SETBP1: variants seen among roughly 807,000 people sequenced by gnomAD.
SETBP1 encodes the protein SET-binding protein.
In SETBP1, 9 loss-of-function variants were observed where a neutral mutation model predicts 101.0. The observed-to-expected ratio is 0.09, with a 90% CI of 0.05 to 0.16. SETBP1 has a LOEUF of 0.16. SETBP1 is among the 10% of genes least tolerant of loss of function. The pLI, the probability that SETBP1 is intolerant of heterozygous loss-of-function variation, is 1.00. For missense variants in SETBP1, 1,858 were observed against 2,033.8 expected, an observed-to-expected ratio of 0.91 and a Z score of 1.66; for synonymous variants, 818 against 788.5, an observed-to-expected ratio of 1.04 and a Z score of -0.63.
At chr18:44,764,620 C>T (rs148344849) in intron 2 of SETBP1, among the ~76,000 whole-genome samples, 1,881 of 152,136 alleles carry the variant, frequency 0.012, 20 homozygotes, top group Middle Eastern at 0.02. Context: ...CTTACAGGCA[C>T]CTGCCACCAT....
intron 4 of SETBP1, among the ~76,000 whole-genome samples, chr18:45,009,068 C>T (rs114760913): frequency 6.6e-6 from 1 of 152,222 alleles, no homozygotes; most frequent in African/African-American, 2.4e-5. Flanking sequence ...ATGAGGGCTC[C>T]TCAGAAGTCG....
intron 4 of SETBP1, among the ~76,000 whole-genome samples, chr18:45,004,351 A>T (rs573211892): frequency 3.9e-5 from 6 of 152,206 alleles, no homozygotes; most frequent in African/African-American, 1.4e-4. Context: ...TGGCGTGATG[A>T]TTGGCCTCAT....
rs543292482 is a variant in SETBP1, at chr18:44,708,568, C to A, written c.486+6736C>A. On this transcript the variant is annotated intron_variant, in intron 2 of 5. Transcript: ENST00000649279. ...AGCAGCAGGGAAGGTGGGGAACGAC[C>A]TTTTCTGCAGGGCAGCAGGGAGCAT... Among the ~76,000 whole-genome samples, 3 of 152,208 alleles carry A rather than the reference C, an allele frequency of 2.0e-5. No individual in the cohort carries two copies. In the East Asian group the frequency reaches 5.8e-4, roughly 29 times the overall value.
At chr18:44,726,328 A>C (rs2069706000) in intron 2 of SETBP1, among the ~76,000 whole-genome samples, 2 of 152,334 alleles carry the variant, frequency 1.3e-5, no homozygotes, top group South Asian at 2.1e-4. Context: ...GCAATCATTG[A>C]AAGAGATTAT....
intron 3 of SETBP1, among the ~76,000 whole-genome samples, chr18:44,897,812 T>C (rs1376165418): frequency 6.6e-6 from 1 of 152,178 alleles, no homozygotes; most frequent in Admixed American, 6.5e-5. Flanking sequence ...TGGGCTGTTC[T>C]CTTGGTTATG....
At chr18:44,831,204 A>G (rs1195327466) in intron 2 of SETBP1, among the ~76,000 whole-genome samples, 1 of 152,222 alleles carries the variant, frequency 6.6e-6, no homozygotes, top group East Asian at 1.9e-4. Context: ...GGAGTAGTGT[A>G]GCATAGACAG....
intron 2 of SETBP1, among the ~76,000 whole-genome samples, chr18:44,726,235 T>G (rs1214486224): frequency 6.6e-6 from 1 of 152,218 alleles, no homozygotes; most frequent in Non-Finnish European, 1.5e-5. Flanking sequence ...GCCTTCTTGA[T>G]TTTCATTCCA....
chr18:44,904,863 A>G (rs2070136500), intron 3 of SETBP1, among the ~76,000 whole-genome samples: 1 of 152,178 alleles, frequency 6.6e-6, no homozygotes, highest in African/African-American at 2.4e-5. Flanking sequence ...TCCTCTAAAG[A>G]CTTAGGACTT....
chr18:44,893,694 A>G lies in SETBP1; in HGVS notation c.540+24411A>G, dbSNP rs577202277. 1.1e-4 allele frequency among the ~76,000 whole-genome samples: 16 copies of G among 152,290 alleles called. No individual in the cohort carries two copies. In the East Asian group the frequency reaches 2.9e-3, roughly 28 times the overall value. On this transcript the variant is annotated intron_variant, in intron 3 of 5. Transcript: ENST00000649279. ...TATGAATTCAATTTAGGGGGTCAAT[A>G]TAAGCAAGAGAAAGGAAAAAAGAAA...
At chr18:44,886,386 T>G (rs1390529594) in intron 3 of SETBP1, among the ~76,000 whole-genome samples, 3 of 152,186 alleles carry the variant, frequency 2.0e-5, no homozygotes, top group African/African-American at 7.2e-5. Context: ...CTTGGGACAG[T>G]GAGCCGTCTT....
chr18:44,966,552 T>TA (rs2145173107), intron 4 of SETBP1, among the ~76,000 whole-genome samples: 1 of 152,304 alleles, frequency 6.6e-6, no homozygotes, highest in African/African-American at 2.4e-5. Context: ...TTCACCCAAA[T>TA]CAAATTTGAG....
At chr18:44,896,760 A>G (rs1168331968) in intron 3 of SETBP1, among the ~76,000 whole-genome samples, 1 of 152,152 alleles carries the variant, frequency 6.6e-6, no homozygotes, top group African/African-American at 2.4e-5. Context: ...ACCCAGCCCT[A>G]CATCCAAATT....
At position 44,769,305 on chromosome 18, in the gene SETBP1, T is replaced by C. The variant is rs2070826090; in HGVS notation, c.486+67473T>C. Among the ~76,000 whole-genome samples, 4 of 152,236 alleles carry C rather than the reference T, an allele frequency of 2.6e-5. No individual in the cohort carries two copies. The South Asian group carries it at 8.3e-4, about 31-fold the overall frequency. On this transcript the variant is annotated intron_variant, in intron 2 of 5. Transcript: ENST00000649279. ...ACCTCGGGAAGCTTTGGACTTAGCC[T>C]GAAACAAGTCTTTACTCTTTAGTAT...
At chr18:44,786,820 T>G (rs2071248006) in intron 2 of SETBP1, among the ~76,000 whole-genome samples, 1 of 152,192 alleles carries the variant, frequency 6.6e-6, no homozygotes, top group Non-Finnish European at 1.5e-5. Context: ...AGGGAGGGGT[T>G]GTATTGACTT....
intron 2 of SETBP1, among the ~76,000 whole-genome samples, chr18:44,768,314 C>T (rs1171275127): frequency 6.6e-6 from 1 of 152,078 alleles, no homozygotes; most frequent in East Asian, 1.9e-4. Context: ...GAAGTTTTCT[C>T]TAAAAATATT....
chr18:44,834,412 T>C (rs1461343447), intron 2 of SETBP1, among the ~76,000 whole-genome samples: 1 of 152,110 alleles, frequency 6.6e-6, no homozygotes, highest in Non-Finnish European at 1.5e-5. Context: ...AGACTGACAG[T>C]ATAGATTATA....
intron 2 of SETBP1, among the ~76,000 whole-genome samples, chr18:44,757,569 A>G (rs2070527789): frequency 6.6e-6 from 1 of 152,330 alleles, no homozygotes; most frequent in East Asian, 1.9e-4. Flanking sequence ...TCTAAAGAAC[A>G]TTATGTTAGT....
intron 4 of SETBP1, among the ~76,000 whole-genome samples, chr18:44,990,445 A>C (rs529275041): frequency 2.0e-5 from 3 of 152,276 alleles, no homozygotes; most frequent in African/African-American, 7.2e-5. Flanking sequence ...ATAAAAGATT[A>C]GCTAGGCATG....
chr18:44,702,183 G>T (rs758761154), intron 2 of SETBP1, among the ~76,000 whole-genome samples: 3 of 152,150 alleles, frequency 2.0e-5, no homozygotes, highest in Non-Finnish European at 2.9e-5. Context: ...TTATTAAGTG[G>T]AAGTGCACCA....
Sources: gnomAD v4.1 joint callset for allele counts (sites outside exome capture counted in the v4.1 genomes callset) on GRCh38, gnomAD v4.1.1 for gene constraint, MANE v1.5 for transcripts, NCBI Gene and HGNC (gene_info 2026-07-23, HGNC 2026-07-21) for gene names.